Variants in WDFY2 observed in about 807,000 individuals in gnomAD.
WDFY2 encodes WD repeat and FYVE domain containing 2.
WDFY2 carries 36 observed loss-of-function variants against 56.4 expected under a neutral mutation model. The ratio of observed to expected loss-of-function variants is 0.64; its 90% CI spans 0.49 to 0.84. The LOEUF (loss-of-function observed/expected upper bound fraction) is 0.84, where lower values mean the gene tolerates loss of function less well. WDFY2 is among the 40% of genes least tolerant of loss of function. The pLI is 0.00. For missense variants in WDFY2, 444 were observed against 512.2 expected, an observed-to-expected ratio of 0.87 and a Z score of 1.29; for synonymous variants, 176 against 183.7, an observed-to-expected ratio of 0.96 and a Z score of 0.34.
chr13:51,650,379 C>T (rs989282287), intron 1 of WDFY2, among the ~76,000 whole-genome samples: 2 of 152,180 alleles, frequency 1.3e-5, no homozygotes, highest in African/African-American at 4.8e-5. Flanking sequence ...GTTTAACTTC[C>T]TCTTTTCCTA....
intron 5 of WDFY2, among the ~76,000 whole-genome samples, chr13:51,724,527 G>A (rs955149065): frequency 2.0e-5 from 3 of 152,096 alleles, no homozygotes; most frequent in Non-Finnish European, 2.9e-5. Flanking sequence ...GTGAGCCATC[G>A]CACCCAGCCC....
intron 5 of WDFY2, among the ~76,000 whole-genome samples, chr13:51,722,970 G>T (rs1429479005): frequency 1.3e-5 from 2 of 152,108 alleles, no homozygotes; most frequent in African/African-American, 4.8e-5. Context: ...TTAGGATTTT[G>T]TTCATGTCAG....
rs772004356 is a variant in WDFY2, at chr13:51,751,326, C to T, written c.742C>T (p.Leu248Phe). 2.5e-6 allele frequency: 4 copies of T among 1,613,752 alleles called. No homozygotes were observed. The highest frequency in any genetic ancestry group is 3.4e-6 in the Non-Finnish European group (4 of 1,179,786). Reference sequence around the variant, plus strand: ...CTTTCACAGCGACAGAGTCCAGGCCCTCTCCTATGCACAGCACACGCGACA... The same window carrying T: ...CTTTCACAGCGACAGAGTCCAGGCCTTCTCCTATGCACAGCACACGCGACA... The part of the protein sequence containing the change: ...LQGHNDRVQA[L>F]SYAQHTRQLI... The change falls in exon 8 of 12, where the codon CTC (leucine) becomes TTC (phenylalanine). Residue 248 changes from leucine to phenylalanine, a missense_variant. Coordinates refer to ENST00000298125, the MANE Select transcript of WDFY2 (RefSeq NM_052950.4).
chr13:51,672,396 A>G (rs1025856548), intron 2 of WDFY2, among the ~76,000 whole-genome samples: 10 of 151,836 alleles, frequency 6.6e-5, no homozygotes, highest in African/African-American at 2.2e-4. Flanking sequence ...TTCCTGCTCT[A>G]TTGATCTGTA....
At chr13:51,703,702 G>A (rs751164588) in intron 4 of WDFY2, 52 bp downstream of exon 4, 18 of 1,485,600 alleles carry the variant, frequency 1.2e-5, no homozygotes, top group Middle Eastern at 1.8e-4. Flanking sequence ...ATACTTCTTG[G>A]TGGTTTTCAC....
chr13:51,705,659 AT>A lies in WDFY2; in HGVS notation c.334+2010del, dbSNP rs536240668. Among the ~76,000 whole-genome samples, 17 of 152,134 alleles carry A rather than the reference AT, an allele frequency of 1.1e-4. No individual in the cohort carries two copies. The South Asian group carries it at 3.5e-3, about 32-fold the overall frequency. On this transcript the variant is annotated intron_variant, in intron 4 of 11. Transcript: ENST00000298125. ...TGTGACATTTTGATAGAGGCATGAA[AT>A]ACACAATAATCACGTAAGGGTAGAT...
At chr13:51,682,663 A>G (rs1955998597) in intron 3 of WDFY2, among the ~76,000 whole-genome samples, 1 of 152,066 alleles carries the variant, frequency 6.6e-6, no homozygotes, top group African/African-American at 2.4e-5. Flanking sequence ...AGTTGTACCA[A>G]TTTTATAGGG....
intron 1 of WDFY2, among the ~76,000 whole-genome samples, chr13:51,634,238 G>A (rs1480528881): frequency 6.6e-6 from 1 of 151,138 alleles, no homozygotes; most frequent in African/African-American, 2.4e-5. Context: ...AGAACTGATA[G>A]TGTAGTCTTG....
At chr13:51,715,763 A>G (rs565297997) in intron 4 of WDFY2, among the ~76,000 whole-genome samples, 12 of 152,330 alleles carry the variant, frequency 7.9e-5, no homozygotes, top group Non-Finnish European at 1.6e-4. Context: ...CTGGCAGCAC[A>G]GTGGGTTTGT....
intron 2 of WDFY2, 89 bp from the exon 3 acceptor site, chr13:51,675,081 A>G (rs1484642160): frequency 8.6e-7 from 1 of 1,164,744 alleles, no homozygotes; most frequent in African/African-American, 1.5e-5. Context: ...TGGGGAAAGT[A>G]CAGCCCCACA....
rs1164751495 is a variant in WDFY2, at chr13:51,650,116, C to A, written c.138-10480C>A. On this transcript the variant is annotated intron_variant, in intron 1 of 11. Transcript: ENST00000298125. Reference sequence around the variant, plus strand: ...CGTTGAGCAGTGGTTTGTAGTTCTCCTTGAAGAGGTCCTTCACATCCCTTG... The same window carrying A: ...CGTTGAGCAGTGGTTTGTAGTTCTCATTGAAGAGGTCCTTCACATCCCTTG... Among the ~76,000 whole-genome samples, 8 of 151,850 alleles carry A rather than the reference C, an allele frequency of 5.3e-5. 1 individual carries two copies.
chr13:51,715,732 T>C (rs934598455), intron 4 of WDFY2, among the ~76,000 whole-genome samples: 5 of 152,214 alleles, frequency 3.3e-5, no homozygotes, highest in African/African-American at 1.2e-4. Context: ...AACATTATTG[T>C]AGGTGCTGTA....
intron 1 of WDFY2, among the ~76,000 whole-genome samples, chr13:51,615,396 T>G (rs975415655): frequency 6.6e-6 from 1 of 151,966 alleles, no homozygotes; most frequent in Non-Finnish European, 1.5e-5. Flanking sequence ...CCCAGATTGG[T>G]AAATATTTTT....
At chr13:51,749,169 A>G in intron 7 of WDFY2, among the ~76,000 whole-genome samples, 1 of 152,216 alleles carries the variant, frequency 6.6e-6, no homozygotes, top group Non-Finnish European at 1.5e-5. Flanking sequence ...TTAAAATGAA[A>G]TGGATTCATC....
chr13:51,672,406 A>G (rs1263601581), intron 2 of WDFY2, among the ~76,000 whole-genome samples: 1 of 152,062 alleles, frequency 6.6e-6, no homozygotes, highest in South Asian at 2.1e-4. Context: ...ATTGATCTGT[A>G]TGCCTGTTTT....
rs1435382771 is a variant in WDFY2, at chr13:51,760,025, CATTGTTTTGAGTGTACCGAAAA to C, written c.*259_*280del. 17 of 398,590 alleles carry C rather than the reference CATTGTTTTGAGTGTACCGAAAA, an allele frequency of 4.3e-5. No homozygotes were observed. The highest frequency in any genetic ancestry group is 7.2e-5 in the Non-Finnish European group (16 of 222,588). The allele number at this position is 398,590 out of a possible 1,614,324, so 24.7% of individuals were successfully genotyped here. ...TGGTTTATACAGTCTGGCTGTGCTG[CATTGTTTTGAGTGTACCGAAAA>C]ATCTGTGTGGGGTGTTTAATTTTTA... is the stretch of plus-strand genomic sequence containing the variant. On this transcript the variant is annotated 3_prime_UTR_variant, in exon 12 of 12. Coordinates refer to ENST00000298125, the MANE Select transcript of WDFY2 (RefSeq NM_052950.4).
chr13:51,732,082 A>G (rs1345193821), intron 6 of WDFY2, among the ~76,000 whole-genome samples: 2 of 152,210 alleles, frequency 1.3e-5, no homozygotes, highest in Admixed American at 1.3e-4. Flanking sequence ...TGCAGAAAGT[A>G]GAATGTATTT....
At position 51,683,563 on chromosome 13, in the gene WDFY2, C is replaced by T. The variant is rs1332919555; in HGVS notation, c.279+8320C>T. Among the ~76,000 whole-genome samples the T allele has an allele frequency of 4.6e-5, 7 of 152,222 alleles. No homozygotes were observed. The East Asian group carries it at 9.6e-4, about 21-fold the overall frequency. On this transcript the variant is annotated intron_variant, in intron 3 of 11. Coordinates refer to ENST00000298125, the MANE Select transcript of WDFY2 (RefSeq NM_052950.4). The stretch of plus-strand genomic sequence containing the variant: ...ATTCCTTTCAAGAGTACCTTGACAA[C>T]AGCAGAGTCATGAAATATATCTTCC...
intron 1 of WDFY2, among the ~76,000 whole-genome samples, chr13:51,639,502 A>G (rs1187385096): frequency 6.6e-6 from 1 of 152,194 alleles, no homozygotes; most frequent in Non-Finnish European, 1.5e-5. Flanking sequence ...GAGGAATGAT[A>G]TATCATTGTC....
Sources: gnomAD v4.1 joint callset for allele counts (sites outside exome capture counted in the v4.1 genomes callset) on GRCh38, gnomAD v4.1.1 for gene constraint, MANE v1.5 for transcripts, NCBI Gene and HGNC (gene_info 2026-07-23, HGNC 2026-07-21) for gene names.